PIK3CD: variants seen among roughly 807,000 people sequenced by gnomAD.
The protein encoded by PIK3CD is phosphatidylinositol 4,5-bisphosphate 3-kinase catalytic subunit delta isoform.
A neutral mutation model predicts 122.9 loss-of-function variants in PIK3CD; 20 were observed. That is an observed-to-expected ratio of 0.16 (90% CI 0.11 to 0.24). The LOEUF (loss-of-function observed/expected upper bound fraction) is 0.24. PIK3CD is among the 10% of genes least tolerant of loss of function. The probability of loss-of-function intolerance (pLI) is 1.00; values close to 1 mark genes in which losing one functional copy is unlikely to be tolerated. For missense variants in PIK3CD, 787 were observed against 1,406.3 expected, an observed-to-expected ratio of 0.56 and a Z score of 7.04; for synonymous variants, 596 against 593.4, an observed-to-expected ratio of 1.00 and a Z score of -0.06.
chr1:9,633,082 C>T, the PIK3CD span, among the ~76,000 whole-genome samples: 3 of 152,062 alleles, frequency 2.0e-5, no homozygotes, highest in East Asian at 1.9e-4. Flanking sequence ...AGGATGGTCT[C>T]CATCTCCTGA....
In PIK3CD at chr1:9,724,218, T is replaced by A; in HGVS notation, c.2719-58T>A. 4 of 1,613,190 alleles carry A rather than the reference T, an allele frequency of 2.5e-6. No individual in the cohort carries two copies. Among genetic ancestry groups the A allele is most frequent in the Non-Finnish European group, 3.4e-6 (4 of 1,179,628 alleles). On this transcript the variant is annotated intron_variant, in intron 21 of 23. Transcript: ENST00000377346. The surrounding 1 kb of genome is among the most constrained non-coding windows in gnomAD (Gnocchi z 7.3). ...AGCCCTGCTGGCTTCCTGTCTCCCCTGGATTCTCTCCTGTCTGACACCTTC... is the reference window on the plus strand; with the variant it reads ...AGCCCTGCTGGCTTCCTGTCTCCCCAGGATTCTCTCCTGTCTGACACCTTC...
At chr1:9,633,598 C>T in the PIK3CD span, among the ~76,000 whole-genome samples, 3 of 152,164 alleles carry the variant, frequency 2.0e-5, no homozygotes, top group African/African-American at 7.2e-5. Context: ...CGTGAGCCAT[C>T]GGGCCCAGCT....
At chr1:9,644,717 A>T in the PIK3CD span, among the ~76,000 whole-genome samples, 1 of 152,122 alleles carries the variant, frequency 6.6e-6, no homozygotes, top group Non-Finnish European at 1.5e-5. Context: ...TTGTCAAAAA[A>T]AATGAACTAG....
chr1:9,713,815 C>G (rs757351499), intron 3 of PIK3CD, among the ~76,000 whole-genome samples: 4 of 150,282 alleles, frequency 2.7e-5, no homozygotes, highest in Non-Finnish European at 5.9e-5. Context: ...GCCATGTTGC[C>G]CAAGCTATAG....
rs1298703407 is a variant in PIK3CD, at chr1:9,700,390, T to TGTGC, written c.-33+8821_-33+8824dup. 3.9e-5 allele frequency among the ~76,000 whole-genome samples: 6 copies of TGTGC among 152,178 alleles called. No individual in the cohort carries two copies. Among genetic ancestry groups the TGTGC allele is most frequent in the Admixed American group, 1.3e-4 (2 of 15,280 alleles). On this transcript the variant is annotated intron_variant, in intron 2 of 23. Coordinates refer to ENST00000377346, the MANE Select transcript of PIK3CD (RefSeq NM_005026.5). This position sits in a 1 kb window ranked among gnomAD's most constrained non-coding sequence, Gnocchi z 5.1. Reference sequence around the variant, plus strand: ...GCGTGGTGTCCTGGCCAGAACCCCATGTGCGGGAGGGCTCCGCTTTGCACA... The same window carrying TGTGC: ...GCGTGGTGTCCTGGCCAGAACCCCATGTGCGTGCGGGAGGGCTCCGCTTTGCACA...
At chr1:9,640,088 A>G in the PIK3CD span, among the ~76,000 whole-genome samples, 2 of 151,138 alleles carry the variant, frequency 1.3e-5, no homozygotes, top group African/African-American at 4.9e-5. Context: ...AGCTTTGGCC[A>G]CTGGAAGCTT....
rs1487914394 is a variant in PIK3CD at position 9,717,310 on chromosome 1, G to A, written c.930+202G>A. Among the ~76,000 whole-genome samples, 1 of 152,208 alleles carries A rather than the reference G, an allele frequency of 6.6e-6. No homozygotes were observed. The highest frequency in any genetic ancestry group is 2.4e-5 in the African/African-American group (1 of 41,456). On this transcript the variant is annotated intron_variant, in intron 7 of 23. Coordinates refer to ENST00000377346, the MANE Select transcript of PIK3CD (RefSeq NM_005026.5). The surrounding 1 kb of genome is among the most constrained non-coding windows in gnomAD (Gnocchi z 5.4). ...TGGGTGGGGGGCAGCCCCATGCCTGGCTCACCGGCTGCCCTTCCCCTCTGC... is the reference window on the plus strand; with the variant it reads ...TGGGTGGGGGGCAGCCCCATGCCTGACTCACCGGCTGCCCTTCCCCTCTGC...
At chr1:9,714,963 G>C (rs1359187917) in intron 3 of PIK3CD, among the ~76,000 whole-genome samples, 1 of 152,072 alleles carries the variant, frequency 6.6e-6, no homozygotes, top group Non-Finnish European at 1.5e-5. Context: ...CTGAGGTCAG[G>C]AGTTTGAGAC....
chr1:9,636,921 G>A, the PIK3CD span, among the ~76,000 whole-genome samples: 4 of 149,784 alleles, frequency 2.7e-5, no homozygotes, highest in Non-Finnish European at 4.4e-5. Flanking sequence ...TTTTTGAGAC[G>A]GAGTCTCTCT....
the PIK3CD span, among the ~76,000 whole-genome samples, chr1:9,639,388 C>A: frequency 1.3e-5 from 2 of 152,018 alleles, no homozygotes; most frequent in Admixed American, 1.3e-4. Flanking sequence ...CCAGCTCCAT[C>A]CTGCTGAGCA....
chr1:9,642,716 C>CAAA, the PIK3CD span, among the ~76,000 whole-genome samples: 7 of 70,132 alleles, frequency 1.0e-4, no homozygotes, highest in African/African-American at 1.0e-4. Context: ...GACTCTGTCT[C>CAAA]AAAAAAAAAA....
At chr1:9,632,912 A>C in the PIK3CD span, among the ~76,000 whole-genome samples, 2 of 142,620 alleles carry the variant, frequency 1.4e-5, no homozygotes, top group Non-Finnish European at 3.0e-5. Context: ...CCCAGGCTGG[A>C]GTGCAGTGGT....
chr1:9,716,239 C>A (rs1647411518), intron 5 of PIK3CD, 161 bp downstream of exon 5: 2 of 820,984 alleles, frequency 2.4e-6, no homozygotes, highest in Admixed American at 2.1e-5. Flanking sequence ...AACGTCCCCC[C>A]AGGCAAGCTC....
the PIK3CD span, among the ~76,000 whole-genome samples, chr1:9,637,968 A>G: frequency 6.6e-6 from 1 of 151,984 alleles, no homozygotes; most frequent in Non-Finnish European, 1.5e-5. Flanking sequence ...TTAGCCAGCC[A>G]TGGTGGCAGG....
At chr1:9,655,699 T>TC (rs1438940798) in intron 1 of PIK3CD, among the ~76,000 whole-genome samples, 21 of 142,494 alleles carry the variant, frequency 1.5e-4, no homozygotes, top group Non-Finnish European at 2.6e-4. Flanking sequence ...TTTTTCTTCT[T>TC]TTTTTTTTTT....
intron 1 of PIK3CD, among the ~76,000 whole-genome samples, chr1:9,664,487 C>G (rs1645102045): frequency 6.6e-6 from 1 of 152,186 alleles, no homozygotes; most frequent in Non-Finnish European, 1.5e-5. Flanking sequence ...ACCCAAAGCC[C>G]TGCACAGATA....
the PIK3CD span, among the ~76,000 whole-genome samples, chr1:9,644,660 T>C: frequency 2.0e-4 from 30 of 152,326 alleles, no homozygotes; most frequent in Middle Eastern, 0.01. Flanking sequence ...TATTTTTAAC[T>C]GTTGTCATGT....
At chr1:9,707,381 T>G (rs1646879106) in intron 2 of PIK3CD, among the ~76,000 whole-genome samples, 2 of 151,964 alleles carry the variant, frequency 1.3e-5, no homozygotes, top group Admixed American at 1.3e-4. Context: ...AACTTTTATT[T>G]TAAGTTCAGG....
chr1:9,681,825 G>A (rs1420518426), intron 1 of PIK3CD, among the ~76,000 whole-genome samples: 1 of 152,178 alleles, frequency 6.6e-6, no homozygotes, highest in South Asian at 2.1e-4. Context: ...ATCTCAGGAC[G>A]GAAGTAACTG....
Sources: gnomAD v4.1 joint callset for allele counts (sites outside exome capture counted in the v4.1 genomes callset) on GRCh38, gnomAD v4.1.1 for gene constraint, Gnocchi (gnomAD v3.1) non-coding constraint, MANE v1.5 for transcripts, NCBI Gene and HGNC (gene_info 2026-07-23, HGNC 2026-07-21) for gene names.